Variants in STPG2 observed in about 807,000 individuals in gnomAD.
STPG2 encodes the protein sperm-tail PG-rich repeat-containing protein 2.
Under a neutral mutation model 54.2 loss-of-function variants are expected in STPG2, and 56 were observed. The ratio of observed to expected loss-of-function variants is 1.03; its 90% confidence interval spans 0.83 to 1.29. The LOEUF (loss-of-function observed/expected upper bound fraction) is 1.29. STPG2 is among the 50% of genes most tolerant of loss of function. The probability of loss-of-function intolerance (pLI) is 0.00; values close to 1 mark genes in which losing one functional copy is unlikely to be tolerated. For synonymous variants in STPG2, 200 were observed against 181.8 expected (o/e 1.10, Z -0.81); for missense variants, 596 against 544.9 (o/e 1.09, Z -0.93).
intron 4 of STPG2, among the ~76,000 whole-genome samples, chr4:97,487,600 A>C (rs1730400606): frequency 6.6e-6 from 1 of 151,500 alleles, no homozygotes; most frequent in Admixed American, 6.6e-5. Flanking sequence ...GTTTCTTAAA[A>C]TCAGAATATT....
chr4:97,479,777 T>C (rs1343985117), intron 4 of STPG2, among the ~76,000 whole-genome samples: 1 of 151,846 alleles, frequency 6.6e-6, no homozygotes, highest in Non-Finnish European at 1.5e-5. Context: ...CCTAGAAAAC[T>C]AGGCAAAATA....
intron 8 of STPG2, among the ~76,000 whole-genome samples, chr4:97,854,569 G>C (rs889679374): frequency 6.6e-6 from 1 of 150,608 alleles, no homozygotes; most frequent in Non-Finnish European, 1.5e-5. Flanking sequence ...TCAATAAAAA[G>C]TATTTTTAAA....
At chr4:97,624,341 T>C (rs939168097) in intron 10 of STPG2, among the ~76,000 whole-genome samples, 6 of 152,090 alleles carry the variant, frequency 3.9e-5, no homozygotes, top group African/African-American at 1.4e-4. Context: ...TCTGATCTCA[T>C]TGTGGTTTTT....
chr4:97,507,127 G>A (rs1730861489), intron 4 of STPG2, among the ~76,000 whole-genome samples: 2 of 151,884 alleles, frequency 1.3e-5, no homozygotes, highest in Admixed American at 6.6e-5. Flanking sequence ...AGAGTTTGAA[G>A]TAGTCAAACA....
chr4:97,841,745 A>T (rs542300595), intron 8 of STPG2, among the ~76,000 whole-genome samples: 4 of 151,940 alleles, frequency 2.6e-5, no homozygotes, highest in African/African-American at 9.6e-5. Flanking sequence ...TCTGCTGCTT[A>T]CTAGCTATGT....
chr4:97,547,950 C>T (rs148460362), intron 4 of STPG2, among the ~76,000 whole-genome samples: 1,625 of 151,844 alleles, frequency 0.011, 34 homozygotes, highest in African/African-American at 0.037. Flanking sequence ...CGGGAGTTCA[C>T]GACCAGCCTG....
At chr4:98,027,960 C>T (rs1030982060) in intron 5 of STPG2, among the ~76,000 whole-genome samples, 1 of 152,116 alleles carries the variant, frequency 6.6e-6, no homozygotes, top group East Asian at 1.9e-4. Context: ...TTTGAGTCTC[C>T]TACATCTGTC....
chr4:97,546,878 T>C (rs957099033), intron 4 of STPG2, among the ~76,000 whole-genome samples: 2 of 152,136 alleles, frequency 1.3e-5, no homozygotes, highest in African/African-American at 4.8e-5. Flanking sequence ...CTGGCAGTCA[T>C]ACTACAATGT....
At chr4:97,592,632 G>C (rs1251119716) in intron 10 of STPG2, among the ~76,000 whole-genome samples, 1 of 152,164 alleles carries the variant, frequency 6.6e-6, no homozygotes, top group Non-Finnish European at 1.5e-5. Flanking sequence ...ATATTTGGAA[G>C]AAAGGCATTA....
chr4:97,478,075 G>C (rs1353659749), intron 4 of STPG2, among the ~76,000 whole-genome samples: 1 of 152,108 alleles, frequency 6.6e-6, no homozygotes, highest in Non-Finnish European at 1.5e-5. Flanking sequence ...GGATGAAAAC[G>C]TTAAACAGAT....
chr4:98,120,858 CTGTT>C (rs1191048113), intron 3 of STPG2, among the ~76,000 whole-genome samples: 1 of 152,144 alleles, frequency 6.6e-6, no homozygotes, highest in African/African-American at 2.4e-5. Context: ...TGTAGGTTGT[CTGTT>C]TGTGCTGATG....
chr4:97,544,924 T>C (rs1731801577), intron 4 of STPG2, among the ~76,000 whole-genome samples: 1 of 152,098 alleles, frequency 6.6e-6, no homozygotes, highest in South Asian at 2.1e-4. Flanking sequence ...TAAGGAAGAA[T>C]TAAAATCTGG....
chr4:97,924,296 G>C (rs1024402414), intron 8 of STPG2, among the ~76,000 whole-genome samples: 1 of 152,172 alleles, frequency 6.6e-6, no homozygotes, highest in Non-Finnish European at 1.5e-5. Context: ...ACCAATTCCA[G>C]ACACAATAGG....
At chr4:97,990,894 A>T (rs1422094322) in intron 5 of STPG2, among the ~76,000 whole-genome samples, 2 of 152,172 alleles carry the variant, frequency 1.3e-5, no homozygotes, top group Non-Finnish European at 1.5e-5. Flanking sequence ...CCTATACCAT[A>T]ATCAGTAATG....
intron 8 of STPG2, among the ~76,000 whole-genome samples, chr4:97,876,760 C>G (rs1730185915): frequency 6.6e-6 from 1 of 151,694 alleles, no homozygotes; most frequent in Admixed American, 6.6e-5. Flanking sequence ...TCTACATAAA[C>G]AGTATTTCAT....
At position 97,749,244 on chromosome 4, in the gene STPG2, C is replaced by A. The variant is rs1449934297; in HGVS notation, c.1205-36430G>T. Among the ~76,000 whole-genome samples, 4 of 151,754 alleles carry A rather than the reference C, an allele frequency of 2.6e-5. No individual in the cohort carries two copies. The East Asian group carries it at 7.7e-4, about 29-fold the overall frequency. On this transcript the variant is annotated intron_variant, in intron 9 of 10. Transcript: ENST00000295268. ...ACCTAAAAATTTGGAAACTTTTAGCCAAAATAAAGCAAAAGAGGCAAGCGC... is the reference window on the plus strand; with the variant it reads ...ACCTAAAAATTTGGAAACTTTTAGCAAAAATAAAGCAAAAGAGGCAAGCGC...
chr4:97,943,705 T>C (rs935275983), intron 8 of STPG2, among the ~76,000 whole-genome samples, 192 bp downstream of exon 8: 12 of 152,200 alleles, frequency 7.9e-5, no homozygotes, highest in African/African-American at 2.9e-4. Flanking sequence ...ATCTCTCATA[T>C]AGCAATTCTG....
At chr4:97,480,800 G>T (rs559709005) in intron 4 of STPG2, among the ~76,000 whole-genome samples, 1 of 151,376 alleles carries the variant, frequency 6.6e-6, no homozygotes, top group South Asian at 2.1e-4. Flanking sequence ...GGTATTTTTA[G>T]CATACTCTGG....
At chr4:97,694,247 A>T (rs889271140) in intron 10 of STPG2, among the ~76,000 whole-genome samples, 5 of 152,186 alleles carry the variant, frequency 3.3e-5, no homozygotes, top group Admixed American at 1.3e-4. Context: ...CTTTGAAAAG[A>T]TAAATATAAT....
Sources: gnomAD v4.1 joint callset for allele counts (sites outside exome capture counted in the v4.1 genomes callset) on GRCh38, gnomAD v4.1.1 for gene constraint, MANE v1.5 for transcripts, NCBI Gene and HGNC (gene_info 2026-07-23, HGNC 2026-07-21) for gene names.